The following DDB2 variants were observed in gnomAD, a reference collection of about 807,000 sequenced individuals.
DDB2 encodes DNA damage-binding protein 2.
In DDB2, 27 loss-of-function variants were observed where a neutral mutation model predicts 50.5. The observed-to-expected ratio is 0.53, with a 90% CI of 0.39 to 0.74. The LOEUF (loss-of-function observed/expected upper bound fraction) is 0.74, where lower values mean the gene tolerates loss of function less well. Ranked by LOEUF, DDB2 falls within the 30% of genes least tolerant of loss-of-function variation. The pLI, the probability that DDB2 is intolerant of heterozygous loss-of-function variation, is 0.00. For missense variants in DDB2, 424 were observed against 545.6 expected (o/e 0.78, Z 2.22); for synonymous variants, 176 against 205.5 (o/e 0.86, Z 1.23).
Position 47,232,894 on chromosome 11 carries a change from A to G in DDB2, c.537A>G (p.Gly179=). 1 of 1,614,110 alleles carries G rather than the reference A, an allele frequency of 6.2e-7. No individual in the cohort carries two copies. ...TNQFYASSME[G]TTRLQDFKGN... ...AGTTTTACGCCTCCTCAATGGAGGG[A>G]ACAACTAGGCTGCAAGACTTTAAAG... Residue 179 remains glycine, a synonymous_variant, in exon 4 of 10, where the codon GGA becomes GGG. Transcript: ENST00000256996.
rs1316568510 is a variant in DDB2 at position 47,237,508 on chromosome 11, G to A, written c.1024-329G>A. The A allele has an allele frequency of 8.5e-6, 3 of 352,710 alleles. No individual in the cohort carries two copies. In the East Asian group the frequency reaches 2.1e-4, roughly 25 times the overall value. 21.8% of individuals were successfully genotyped at this position (352,710 alleles called of 1,614,324 possible). On this transcript the variant is annotated intron_variant, in intron 7 of 9. Coordinates refer to ENST00000256996, the MANE Select transcript of DDB2 (RefSeq NM_000107.3). ...TGCAGTGACATGATCTTCACTCACT[G>A]CAACCTCCGCCTCCCGGGTTCAAGT...
intron 4 of DDB2, 92 bp from the exon 5 acceptor site, chr11:47,234,481 G>GC (rs1953694040): frequency 1.1e-6 from 1 of 935,792 alleles, no homozygotes; most frequent in East Asian, 2.4e-5. Context: ...TTTATTGAAT[G>GC]CCCGCTGTGG....
Position 47,232,978 on chromosome 11 carries a change from A to G in DDB2, c.602+19A>G. On this transcript the variant is annotated intron_variant, in intron 4 of 9. Transcript: ENST00000256996. ...CCATCAAGTGAGTAGTTTAACTAGCAGGGGAAAGGGCTTCTAAGCTTAGGT... is the reference window on the plus strand; with the variant it reads ...CCATCAAGTGAGTAGTTTAACTAGCGGGGGAAAGGGCTTCTAAGCTTAGGT... 1 of 1,613,962 alleles carries G rather than the reference A, an allele frequency of 6.2e-7. No individual in the cohort carries two copies. The highest frequency in any genetic ancestry group is 1.1e-5 in the South Asian group (1 of 91,086).
intron 7 of DDB2, among the ~76,000 whole-genome samples, chr11:47,236,587 C>T (rs914056249): frequency 2.6e-5 from 4 of 152,182 alleles, no homozygotes; most frequent in African/African-American, 9.6e-5. Flanking sequence ...GTTTCCTCAT[C>T]TGCAAAAAGG....
At chr11:47,232,594 G>A (rs931811428) in intron 3 of DDB2, among the ~76,000 whole-genome samples, 2 of 152,270 alleles carry the variant, frequency 1.3e-5, no homozygotes, top group Non-Finnish European at 2.9e-5. Context: ...AGCCGTGTTT[G>A]TGCCACTGCA....
At chr11:47,231,139 A>C (rs2135506516) in intron 3 of DDB2, among the ~76,000 whole-genome samples, 1 of 151,400 alleles carries the variant, frequency 6.6e-6, no homozygotes, top group East Asian at 1.9e-4. Context: ...AAAAAAAAAA[A>C]AAAAACACAC....
intron 3 of DDB2, among the ~76,000 whole-genome samples, chr11:47,228,342 G>A (rs1331446950): frequency 7.0e-6 from 1 of 142,514 alleles, no homozygotes; most frequent in Admixed American, 7.0e-5. Flanking sequence ...GAGACGGAGG[G>A]TTTAAGATCA....
At position 47,216,410 on chromosome 11, in the gene DDB2, A is replaced by C; in HGVS notation, c.202A>C (p.Ser68Arg). Residue 68 changes from serine to arginine, a missense_variant, in exon 2 of 10, where the codon AGC becomes CGC. By Grantham distance (110) the Ser-to-Arg change is moderately radical (BLOSUM62 -1). Coordinates refer to ENST00000256996, the MANE Select transcript of DDB2 (RefSeq NM_000107.3). ...AGPQILPPCR[S>R]IVRTLHQHKL... ...CCCACAGATCCTGCCACCATGCCGC[A>C]GCATCGTCAGGACCCTCCACCAGCA... is the stretch of plus-strand genomic sequence containing the variant. 6.2e-7 allele frequency: 1 copy of C among 1,614,098 alleles called. No individual in the cohort carries two copies. The highest frequency in any genetic ancestry group is 8.5e-7 in the Non-Finnish European group (1 of 1,180,026).
chr11:47,233,101 T>C, intron 4 of DDB2, 142 bp downstream of exon 4: 1 of 1,010,712 alleles, frequency 9.9e-7, no homozygotes, highest in East Asian at 2.4e-5. Flanking sequence ...TTCTTTCTCT[T>C]TCTCAAACTG....
intron 6 of DDB2, 110 bp downstream of exon 6, chr11:47,235,044 T>C (rs371456569): frequency 7.3e-7 from 1 of 1,366,788 alleles, no homozygotes; most frequent in Middle Eastern, 2.4e-4. Flanking sequence ...CCTGATAGCG[T>C]CTGCCAAGCT....
At chr11:47,237,300 C>T (rs1476622084) in intron 7 of DDB2, among the ~76,000 whole-genome samples, 1 of 152,132 alleles carries the variant, frequency 6.6e-6, no homozygotes. Context: ...CCTGAAGGTG[C>T]CCTAAGGGCC....
intron 3 of DDB2, among the ~76,000 whole-genome samples, chr11:47,225,706 A>G (rs1337430386): frequency 6.6e-6 from 1 of 152,186 alleles, no homozygotes; most frequent in Non-Finnish European, 1.5e-5. Context: ...TTGTTGTGCA[A>G]CAGATCACTA....
Position 47,215,033 on chromosome 11 carries a change from C to T in DDB2, c.-104C>T. 2 of 1,561,442 alleles carry T rather than the reference C, an allele frequency of 1.3e-6. No individual in the cohort carries two copies. Among genetic ancestry groups the T allele is most frequent in the Non-Finnish European group, 1.8e-6 (2 of 1,135,642 alleles). ...GTTGGCTTAGCTCGGCTACCTGTGG[C>T]CCCGCAGTTTTGTAGTCCCCGCCTT... On this transcript the variant is annotated 5_prime_UTR_variant, in exon 1 of 10. Transcript: ENST00000256996.
At chr11:47,231,119 CA>C (rs139290057) in intron 3 of DDB2, among the ~76,000 whole-genome samples, 12,668 of 58,500 alleles carry the variant, frequency 0.22, 359 homozygotes, top group East Asian at 0.44. Flanking sequence ...GCCTTCATCT[CA>C]AAAAAAAAAA....
intron 4 of DDB2, among the ~76,000 whole-genome samples, chr11:47,233,954 T>C (rs983694348): frequency 3.3e-5 from 5 of 152,206 alleles, no homozygotes; most frequent in Non-Finnish European, 7.3e-5. Flanking sequence ...TCATAGGGGA[T>C]GGCAAAAGGC....
In DDB2 at chr11:47,215,039, A is replaced by G. The variant is rs1590987245; in HGVS notation, c.-98A>G. ...TTAGCTCGGCTACCTGTGGCCCCGC[A>G]GTTTTGTAGTCCCCGCCTTGTTTCT... On this transcript the variant is annotated 5_prime_UTR_variant, in exon 1 of 10. Transcript: ENST00000256996. 2 of 1,579,650 alleles carry G rather than the reference A, an allele frequency of 1.3e-6. No homozygotes were observed. Among genetic ancestry groups the G allele is most frequent in the African/African-American group, 1.3e-5 (1 of 74,282 alleles).
At chr11:47,224,401 G>A (rs1048187925) in intron 3 of DDB2, among the ~76,000 whole-genome samples, 8 of 151,744 alleles carry the variant, frequency 5.3e-5, no homozygotes, top group Non-Finnish European at 1.0e-4. Flanking sequence ...GCTAATTTTT[G>A]TATTTATTTA....
At chr11:47,238,756 T>G in intron 9 of DDB2, 44 bp from the exon 10 acceptor site, 3 of 1,607,960 alleles carry the variant, frequency 1.9e-6, no homozygotes, top group Non-Finnish European at 2.6e-6. Context: ...CTCTGAGAGA[T>G]TGGTAACAGA....
Position 47,239,014 on chromosome 11 carries a change from T to C in DDB2, c.*165T>C. ...GCACTGTGGGACTGGGACACTTTTA[T>C]GTTAATGCTCTGGACTTGCCTCCAG... On this transcript the variant is annotated 3_prime_UTR_variant, in exon 10 of 10. Transcript: ENST00000256996. The C allele has an allele frequency of 1.5e-6, 1 of 676,186 alleles. No individual in the cohort carries two copies. The highest frequency in any genetic ancestry group is 2.6e-6 in the Non-Finnish European group (1 of 391,416). The allele number at this position is 676,186 out of a possible 1,614,324, so 41.9% of individuals were successfully genotyped here.
Sources: gnomAD v4.1 joint callset for allele counts (sites outside exome capture counted in the v4.1 genomes callset) on GRCh38, gnomAD v4.1.1 for gene constraint, MANE v1.5 for transcripts, NCBI Gene and HGNC (gene_info 2026-07-23, HGNC 2026-07-21) for gene names.